The following EIF4G3 variants were observed in gnomAD, a reference collection of about 807,000 sequenced individuals.
EIF4G3 encodes eukaryotic translation initiation factor 4 gamma 3, also known as eIF-4-gamma 3.
Under a neutral mutation model 186.4 loss-of-function variants are expected in EIF4G3, and 34 were observed. The ratio of observed to expected loss-of-function variants is 0.18; its 90% CI spans 0.14 to 0.24. EIF4G3 has a LOEUF of 0.24. Among genes scored for constraint, EIF4G3 ranks in the 10% least tolerant of loss-of-function variants. EIF4G3 has a pLI of 1.00. For synonymous variants in EIF4G3, 673 were observed against 679.5 expected, an observed-to-expected ratio of 0.99 and a Z score of 0.15; for missense variants, 1,536 against 1,948.5, an observed-to-expected ratio of 0.79 and a Z score of 3.99.
intron 2 of EIF4G3, among the ~76,000 whole-genome samples, chr1:21,142,818 A>G (rs951955958): frequency 2.6e-5 from 4 of 152,122 alleles, no homozygotes; most frequent in African/African-American, 9.6e-5. Context: ...GAAAAACAGA[A>G]ATAACTCAAG....
intron 4 of EIF4G3, among the ~76,000 whole-genome samples, chr1:21,028,317 T>A (rs2092386461): frequency 6.6e-6 from 1 of 152,030 alleles, no homozygotes; most frequent in African/African-American, 2.4e-5. Context: ...ATTTTTTAAA[T>A]TGGGAAAAAA....
chr1:21,126,750 T>A (rs925814758), intron 2 of EIF4G3, among the ~76,000 whole-genome samples: 1 of 152,000 alleles, frequency 6.6e-6, no homozygotes, highest in African/African-American at 2.4e-5. Flanking sequence ...CTAGGTCAAT[T>A]GATGAAGTAC....
At chr1:21,157,477 C>T (rs2097684606) in intron 2 of EIF4G3, among the ~76,000 whole-genome samples, 1 of 151,550 alleles carries the variant, frequency 6.6e-6, no homozygotes, top group Non-Finnish European at 1.5e-5. Flanking sequence ...GCTAGAGTGA[C>T]CCTCCTGCTC....
rs567055254 is a variant in EIF4G3 at position 21,105,514 on chromosome 1, C to G, written c.-271-16301G>C. On this transcript the variant is annotated intron_variant, in intron 2 of 36. Coordinates refer to ENST00000602326, the MANE Select transcript of EIF4G3 (RefSeq NM_001391906.1). ...CTATATAAACAAACCTGCATATATACCCCTGAACCTAAAATATGTTTTTTT... is the reference window on the plus strand; with the variant it reads ...CTATATAAACAAACCTGCATATATAGCCCTGAACCTAAAATATGTTTTTTT... Among the ~76,000 whole-genome samples the G allele has an allele frequency of 4.2e-5, 6 of 143,300 alleles. No homozygotes were observed. In the East Asian group the frequency reaches 1.2e-3, roughly 28 times the overall value. The allele number at this position is 143,300 out of a possible 152,430, so 94.0% of individuals were successfully genotyped here.
At chr1:21,090,920 A>G (rs1388204147) in intron 2 of EIF4G3, among the ~76,000 whole-genome samples, 1 of 152,156 alleles carries the variant, frequency 6.6e-6, no homozygotes, top group Admixed American at 6.6e-5. Flanking sequence ...GTCTTTTTCT[A>G]TATTATTTCT....
At chr1:21,079,660 G>A (rs2095702789) in intron 3 of EIF4G3, among the ~76,000 whole-genome samples, 2 of 150,580 alleles carry the variant, frequency 1.3e-5, no homozygotes, top group South Asian at 4.2e-4. Flanking sequence ...CTCCAGCCTG[G>A]ATGACACAGT....
At chr1:21,166,708 G>A (rs553458921) in intron 2 of EIF4G3, among the ~76,000 whole-genome samples, 2 of 152,216 alleles carry the variant, frequency 1.3e-5, no homozygotes, top group East Asian at 3.9e-4. Flanking sequence ...ACTCCAGCTT[G>A]GGTGACAGAG....
intron 14 of EIF4G3, among the ~76,000 whole-genome samples, chr1:20,909,106 C>T (rs569103308): frequency 7.3e-5 from 11 of 151,474 alleles, no homozygotes; most frequent in Non-Finnish European, 1.6e-4. Flanking sequence ...GAGCAGAGAT[C>T]ACGCCACTGC....
chr1:20,941,126 G>T, intron 14 of EIF4G3: 1 of 1,164,078 alleles, frequency 8.6e-7, no homozygotes. Flanking sequence ...CAGAATTAGG[G>T]ACTATAGACC....
chr1:21,051,945 A>T (rs1261611404), intron 3 of EIF4G3, among the ~76,000 whole-genome samples: 1 of 152,170 alleles, frequency 6.6e-6, no homozygotes, highest in Non-Finnish European at 1.5e-5. Flanking sequence ...TATATACATT[A>T]TTTGTTTACG....
intron 3 of EIF4G3, among the ~76,000 whole-genome samples, chr1:21,066,648 T>TATA (rs1209048254): frequency 6.6e-6 from 1 of 152,192 alleles, no homozygotes; most frequent in Non-Finnish European, 1.5e-5. Context: ...AAGGGAACTG[T>TATA]ATAAAGTTGA....
intron 14 of EIF4G3, among the ~76,000 whole-genome samples, chr1:20,909,364 A>C (rs953347762): frequency 2.6e-5 from 4 of 152,204 alleles, no homozygotes; most frequent in African/African-American, 9.6e-5. Context: ...CATGGTTTTT[A>C]GTCTAAAATC....
intron 3 of EIF4G3, chr1:21,064,405 C>G (rs1268685341): frequency 6.6e-6 from 1 of 152,168 alleles, no homozygotes; most frequent in East Asian, 1.9e-4. Context: ...AATATTTTCT[C>G]TGTTACTAAT....
At position 20,807,394 on chromosome 1, in the gene EIF4G3, C is replaced by T. The variant is rs1570733104; in HGVS notation, c.4851G>A (p.Lys1617=). Residue 1617 remains lysine, a synonymous_variant, in exon 37 of 37, where the codon AAG becomes AAA. Coordinates refer to ENST00000602326, the MANE Select transcript of EIF4G3 (RefSeq NM_001391906.1). The part of the protein sequence containing the change: ...SSKDPAEQNG[K]GVALKSVTAF... ...CCGTGACAGATTTCAGAGCCACGCC[C>T]TTCCCATTCTGCTCTGCAGGGTCCT... The T allele has an allele frequency of 1.2e-6, 2 of 1,612,626 alleles. No homozygotes were observed. Among genetic ancestry groups the T allele is most frequent in the Non-Finnish European group, 1.7e-6 (2 of 1,178,996 alleles).
chr1:21,103,506 A>G (rs1334340791), intron 2 of EIF4G3, among the ~76,000 whole-genome samples: 1 of 152,220 alleles, frequency 6.6e-6, no homozygotes, highest in Non-Finnish European at 1.5e-5. Flanking sequence ...CTATGAGGAT[A>G]AACTTACAGC....
At chr1:20,923,434 G>C (rs1558256756) in intron 14 of EIF4G3, among the ~76,000 whole-genome samples, 1 of 152,132 alleles carries the variant, frequency 6.6e-6, no homozygotes, top group Middle Eastern at 3.4e-3. Context: ...AGACACTTTT[G>C]AACCACTTCT....
intron 3 of EIF4G3, among the ~76,000 whole-genome samples, chr1:21,076,393 A>C (rs1215429359): frequency 6.6e-6 from 1 of 152,194 alleles, no homozygotes; most frequent in East Asian, 1.9e-4. Context: ...ACATCAAAAA[A>C]GCAGAAAGAA....
chr1:21,086,938 C>CAAAAAAAA (rs71014153), intron 3 of EIF4G3, among the ~76,000 whole-genome samples: 4 of 76,554 alleles, frequency 5.2e-5, no homozygotes, highest in Non-Finnish European at 5.4e-5. Context: ...GATTCCTTCT[C>CAAAAAAAA]AAAAAAAAAA....
intron 14 of EIF4G3, among the ~76,000 whole-genome samples, chr1:20,917,526 AAC>A (rs1163753468): frequency 1.2e-4 from 18 of 152,282 alleles, no homozygotes; most frequent in Non-Finnish European, 2.2e-4. Flanking sequence ...CCAGACAAAA[AAC>A]AGTTTATGCT....
Sources: allele counts gnomAD v4.1 joint callset (sites outside exome capture counted in the v4.1 genomes callset), GRCh38; gene constraint gnomAD v4.1.1; transcripts MANE v1.5; gene names NCBI Gene and HGNC (gene_info 2026-07-23, HGNC 2026-07-21).